The following PKNOX2 variants were observed in gnomAD, a reference collection of about 807,000 sequenced individuals.
The protein encoded by PKNOX2 is homeobox protein PKNOX2.
PKNOX2 carries 14 observed loss-of-function variants against 53.1 expected under a neutral mutation model. That is an observed-to-expected ratio of 0.26 (90% CI 0.17 to 0.41). The LOEUF is 0.41. Ranked by LOEUF, PKNOX2 falls within the 10% of genes least tolerant of loss-of-function variation. The probability of loss-of-function intolerance (pLI) is 1.00; values close to 1 mark genes in which losing one functional copy is unlikely to be tolerated. For synonymous variants in PKNOX2, 257 were observed against 242.8 expected, an observed-to-expected ratio of 1.06 and a Z score of -0.54; for missense variants, 496 against 602.8, an observed-to-expected ratio of 0.82 and a Z score of 1.85.
chr11:125,268,125 T>G (rs1445579981), intron 2 of PKNOX2, among the ~76,000 whole-genome samples: 2 of 152,172 alleles, frequency 1.3e-5, no homozygotes, highest in Non-Finnish European at 2.9e-5. Context: ...CGGGCCCTCA[T>G]GGGAGCAGAT....
At chr11:125,175,911 G>A (rs566278154) in intron 1 of PKNOX2, among the ~76,000 whole-genome samples, 11 of 152,274 alleles carry the variant, frequency 7.2e-5, no homozygotes, top group African/African-American at 2.2e-4. Flanking sequence ...CATGTAATAC[G>A]TGGGGGAGAA....
intron 3 of PKNOX2, among the ~76,000 whole-genome samples, chr11:125,337,718 C>A (rs1337231110): frequency 6.8e-6 from 1 of 147,856 alleles, no homozygotes; most frequent in Non-Finnish European, 1.5e-5. Context: ...GACTTCATTT[C>A]TTTTCCTTTG....
chr11:125,180,424 T>C (rs1956090697), intron 1 of PKNOX2, among the ~76,000 whole-genome samples: 1 of 152,216 alleles, frequency 6.6e-6, no homozygotes, highest in South Asian at 2.1e-4. Flanking sequence ...GGTGAAATGA[T>C]GTGTCAGGTT....
At chr11:125,246,092 G>C (rs1037824310) in intron 2 of PKNOX2, among the ~76,000 whole-genome samples, 4 of 152,220 alleles carry the variant, frequency 2.6e-5, no homozygotes, top group Non-Finnish European at 5.9e-5. Flanking sequence ...GAATAGCCAG[G>C]AGGTGTCTTC....
intron 1 of PKNOX2, among the ~76,000 whole-genome samples, chr11:125,200,076 G>T (rs969360457): frequency 2.6e-5 from 4 of 152,140 alleles, no homozygotes; most frequent in Admixed American, 6.5e-5. Flanking sequence ...GCCTCTTAGG[G>T]CTGTCTGTGC....
chr11:125,332,547 G>A (rs1229928467), intron 3 of PKNOX2: 1 of 152,130 alleles, frequency 6.6e-6, no homozygotes, highest in Non-Finnish European at 1.5e-5. Flanking sequence ...TGATCCCACA[G>A]ACGTAAGTAT....
At chr11:125,291,874 G>A (rs1947326642) in intron 2 of PKNOX2, among the ~76,000 whole-genome samples, 1 of 152,206 alleles carries the variant, frequency 6.6e-6, no homozygotes, top group African/African-American at 2.4e-5. Context: ...AATTCATAGA[G>A]AAGAGAGTAG....
chr11:125,177,368 G>A (rs749564025), intron 1 of PKNOX2, among the ~76,000 whole-genome samples: 37 of 152,210 alleles, frequency 2.4e-4, no homozygotes, highest in Non-Finnish European at 4.1e-4. Flanking sequence ...ACGATTACAC[G>A]GATGTGAAAA....
intron 2 of PKNOX2, among the ~76,000 whole-genome samples, chr11:125,282,308 G>A (rs1427416297): frequency 6.6e-6 from 1 of 152,190 alleles, no homozygotes; most frequent in Non-Finnish European, 1.5e-5. Flanking sequence ...GCTGTAAAAT[G>A]TGAATATTCT....
chr11:125,179,616 G>A (rs1158049974), intron 1 of PKNOX2, among the ~76,000 whole-genome samples: 1 of 152,118 alleles, frequency 6.6e-6, no homozygotes, highest in East Asian at 1.9e-4. Flanking sequence ...CTGTGCCTCA[G>A]AGGAGCTTGC....
In PKNOX2 at chr11:125,280,715, G is replaced by A. The variant is rs186225735; in HGVS notation, c.-130+45600G>A. Among the ~76,000 whole-genome samples the A allele has an allele frequency of 7.9e-5, 12 of 152,250 alleles. No homozygotes were observed. In the East Asian group the frequency reaches 1.2e-3, roughly 15 times the overall value. The stretch of plus-strand genomic sequence containing the variant: ...CGTTCAGTGCTCTCCATCAAGAACC[G>A]GTGTGGAGTTCCCCCAAGAAAGAGG... On this transcript the variant is annotated intron_variant, in intron 2 of 12. Coordinates refer to ENST00000298282, the MANE Select transcript of PKNOX2 (RefSeq NM_001382323.2).
chr11:125,282,041 T>C (rs1946593596), intron 2 of PKNOX2, among the ~76,000 whole-genome samples: 1 of 152,214 alleles, frequency 6.6e-6, no homozygotes, highest in Non-Finnish European at 1.5e-5. Flanking sequence ...AGTGCTGTTG[T>C]GGTGTCTGTC....
At chr11:125,316,746 G>T (rs1470270561) in intron 2 of PKNOX2, among the ~76,000 whole-genome samples, 1 of 152,144 alleles carries the variant, frequency 6.6e-6, no homozygotes, top group Non-Finnish European at 1.5e-5. Flanking sequence ...ATAATTTTTT[G>T]CTGCTGGAGG....
chr11:125,209,610 C>G (rs1939580719), intron 1 of PKNOX2, among the ~76,000 whole-genome samples: 1 of 151,788 alleles, frequency 6.6e-6, no homozygotes, highest in Non-Finnish European at 1.5e-5. Context: ...ACAGAAAACA[C>G]AAATGAAAAA....
At chr11:125,397,593 T>C (rs750009287) in intron 6 of PKNOX2, among the ~76,000 whole-genome samples, 2 of 152,186 alleles carry the variant, frequency 1.3e-5, no homozygotes, top group Non-Finnish European at 2.9e-5. Flanking sequence ...CTAAGGCCAA[T>C]GCTGTTCTCA....
chr11:125,329,223 A>C (rs1950008305), intron 2 of PKNOX2, among the ~76,000 whole-genome samples: 1 of 152,250 alleles, frequency 6.6e-6, no homozygotes, highest in Non-Finnish European at 1.5e-5. Context: ...TTAAATACAA[A>C]AGGCTATTTA....
At chr11:125,371,747 G>A (rs1032326783) in intron 5 of PKNOX2, among the ~76,000 whole-genome samples, 14 of 152,104 alleles carry the variant, frequency 9.2e-5, no homozygotes, top group African/African-American at 1.2e-4. Context: ...GGACGCGGAG[G>A]TGCTAAAGTT....
At chr11:125,229,050 G>A (rs1941970322) in intron 1 of PKNOX2, among the ~76,000 whole-genome samples, 1 of 152,228 alleles carries the variant, frequency 6.6e-6, no homozygotes, top group Non-Finnish European at 1.5e-5. Flanking sequence ...CCGACTAGGA[G>A]TGGAGGAGTT....
chr11:125,359,130 C>CGGAAAGGCAGGAAGGTGGACACCATA (rs1951785355), intron 4 of PKNOX2, among the ~76,000 whole-genome samples: 1 of 152,006 alleles, frequency 6.6e-6, no homozygotes, highest in African/African-American at 2.4e-5. Flanking sequence ...TGGACACCAT[C>CGGAAAGGCAGGAAGGTGGACACCATA]GGAAAGGCAG....
Sources: gnomAD v4.1 joint callset for allele counts (sites outside exome capture counted in the v4.1 genomes callset) on GRCh38, gnomAD v4.1.1 for gene constraint, MANE v1.5 for transcripts, NCBI Gene and HGNC (gene_info 2026-07-23, HGNC 2026-07-21) for gene names.